FER: variants seen among roughly 807,000 people sequenced by gnomAD.
The protein encoded by FER is tyrosine-protein kinase Fer.
In FER, 63 loss-of-function variants were observed where a neutral mutation model predicts 111.0. That is an observed-to-expected ratio of 0.57 (90% CI 0.46 to 0.70). FER has a LOEUF of 0.70. Among genes scored for constraint, FER ranks in the 30% least tolerant of loss-of-function variants. The probability of loss-of-function intolerance (pLI) is 0.00; values close to 1 mark genes in which losing one functional copy is unlikely to be tolerated. For missense variants in FER, 914 were observed against 954.0 expected, an observed-to-expected ratio of 0.96 and a Z score of 0.55; for synonymous variants, 327 against 313.9, an observed-to-expected ratio of 1.04 and a Z score of -0.44.
intron 11 of FER, among the ~76,000 whole-genome samples, chr5:108,950,662 G>A (rs918603245): frequency 9.2e-5 from 14 of 151,946 alleles, no homozygotes; most frequent in African/African-American, 3.4e-4. Flanking sequence ...GATTCAAACG[G>A]TAACTATTTA....
At chr5:109,015,169 G>T (rs1766900662) in intron 13 of FER, among the ~76,000 whole-genome samples, 1 of 152,024 alleles carries the variant, frequency 6.6e-6, no homozygotes, top group Non-Finnish European at 1.5e-5. Flanking sequence ...CTAGCACATA[G>T]TAATATGGCT....
At chr5:109,158,189 G>A (rs1315896094) in intron 17 of FER, among the ~76,000 whole-genome samples, 8 of 151,966 alleles carry the variant, frequency 5.3e-5, no homozygotes, top group Admixed American at 2.6e-4. Flanking sequence ...GACCAGCCTG[G>A]GCAACATGAT....
chr5:108,872,892 T>G (rs188097949), intron 8 of FER, among the ~76,000 whole-genome samples: 77 of 152,340 alleles, frequency 5.1e-4, no homozygotes, highest in African/African-American at 1.8e-3. Flanking sequence ...TGCATGTATT[T>G]TTTCTTTATG....
At chr5:109,166,936 C>T (rs1756615399) in intron 17 of FER, among the ~76,000 whole-genome samples, 1 of 150,626 alleles carries the variant, frequency 6.6e-6, no homozygotes, top group Non-Finnish European at 1.5e-5. Flanking sequence ...ACTTCTACCA[C>T]ATTCTGCTAG....
At position 109,187,634 on chromosome 5, in the gene FER, T is replaced by C. The variant is rs1759031822; in HGVS notation, c.*59T>C. 3.2e-6 allele frequency: 5 copies of C among 1,581,666 alleles called. No homozygotes were observed. The highest frequency in any genetic ancestry group is 8.6e-7 in the Non-Finnish European group (1 of 1,157,828). ...TCTGTCCTCCAGCAGAGTAACATTA[T>C]TGTTCTCATTAACAATGAATTTATA... On this transcript the variant is annotated 3_prime_UTR_variant, in exon 20 of 20. Transcript: ENST00000281092.
At chr5:109,148,309 A>G (rs1203668966) in intron 17 of FER, among the ~76,000 whole-genome samples, 2 of 152,162 alleles carry the variant, frequency 1.3e-5, no homozygotes, top group African/African-American at 4.8e-5. Flanking sequence ...TACTTTAAGC[A>G]TAAGTCTCAT....
At chr5:108,847,485 TG>T (rs1206119716) in intron 5 of FER, among the ~76,000 whole-genome samples, 4 of 152,160 alleles carry the variant, frequency 2.6e-5, no homozygotes, top group African/African-American at 9.7e-5. Context: ...ATTATGCTAT[TG>T]TTCTTTGGAG....
At chr5:109,076,690 G>A (rs1776385397) in intron 16 of FER, among the ~76,000 whole-genome samples, 1 of 152,068 alleles carries the variant, frequency 6.6e-6, no homozygotes, top group South Asian at 2.1e-4. Context: ...CACCTGCCTT[G>A]ACCTCCCAAA....
At chr5:108,835,942 C>T (rs1292860334) in intron 5 of FER, 135 bp downstream of exon 5, 2 of 484,736 alleles carry the variant, frequency 4.1e-6, no homozygotes, top group Non-Finnish European at 7.4e-6. Flanking sequence ...CCCACATTGG[C>T]TAATTGTCAA....
Position 109,180,678 on chromosome 5 carries a change from A to G in FER, c.2049-69A>G, listed in dbSNP as rs1023769762. ...GCAAATGTAAAAATGCAAAGTGTGG[A>G]AATCATAAATGTGAAAGTGGCTTTC... On this transcript the variant is annotated intron_variant, in intron 17 of 19. Transcript: ENST00000281092. The G allele has an allele frequency of 1.0e-4, 154 of 1,501,216 alleles. No homozygotes were observed. The African/African-American group carries it at 2.1e-3, about 20-fold the overall frequency. 93.0% of individuals were successfully genotyped at this position (1,501,216 alleles called of 1,614,324 possible).
chr5:109,032,386 C>T (rs896598311), intron 13 of FER, among the ~76,000 whole-genome samples: 3 of 152,136 alleles, frequency 2.0e-5, no homozygotes, highest in African/African-American at 4.8e-5. Flanking sequence ...TTTTTTCACT[C>T]AACAGGTAAT....
chr5:109,163,961 A>T (rs1339575008), intron 17 of FER, among the ~76,000 whole-genome samples: 2 of 152,196 alleles, frequency 1.3e-5, no homozygotes, highest in Non-Finnish European at 2.9e-5. Context: ...CATTCAGAAA[A>T]TAAAGTGAAT....
At chr5:108,787,210 C>T (rs1754834905) in intron 2 of FER, among the ~76,000 whole-genome samples, 1 of 152,196 alleles carries the variant, frequency 6.6e-6, no homozygotes, top group African/African-American at 2.4e-5. Context: ...TGGCCAAGTC[C>T]AGGCACTGTT....
intron 13 of FER, among the ~76,000 whole-genome samples, chr5:109,029,934 C>T (rs1281721538): frequency 6.6e-6 from 1 of 152,088 alleles, no homozygotes; most frequent in African/African-American, 2.4e-5. Context: ...TTCTCCTCTC[C>T]TTTTATCTCA....
intron 13 of FER, among the ~76,000 whole-genome samples, chr5:108,983,420 A>G (rs573715183): frequency 3.9e-5 from 6 of 152,226 alleles, no homozygotes; most frequent in Middle Eastern, 3.4e-3. Context: ...CCAAGTTGAA[A>G]TCTAATTATA....
At chr5:108,819,987 G>A (rs1471023129) in intron 3 of FER, 1 of 985,002 alleles carries the variant, frequency 1.0e-6, no homozygotes, top group East Asian at 1.1e-4. Flanking sequence ...AGGATAATCT[G>A]GAACTACAGG....
At chr5:108,972,340 C>T (rs1321373494) in intron 13 of FER, among the ~76,000 whole-genome samples, 1 of 152,016 alleles carries the variant, frequency 6.6e-6, no homozygotes, top group Non-Finnish European at 1.5e-5. Flanking sequence ...CACATAACCC[C>T]TTATTCTTAG....
At chr5:108,832,746 G>C (rs761474618) in intron 3 of FER, 24 bp from the exon 4 acceptor site, 2 of 1,339,974 alleles carry the variant, frequency 1.5e-6, no homozygotes, top group Non-Finnish European at 2.0e-6. Context: ...GCAAATGTTT[G>C]TTTCTTTTTT....
chr5:108,893,185 T>C (rs949884795), intron 9 of FER, among the ~76,000 whole-genome samples: 1 of 152,140 alleles, frequency 6.6e-6, no homozygotes, highest in African/African-American at 2.4e-5. Flanking sequence ...TTTAAAGTAG[T>C]TTTTTCCAAT....
Sources: allele counts gnomAD v4.1 joint callset (sites outside exome capture counted in the v4.1 genomes callset), GRCh38; gene constraint gnomAD v4.1.1; transcripts MANE v1.5; gene names NCBI Gene and HGNC (gene_info 2026-07-23, HGNC 2026-07-21).